The following LMBRD1 variants were observed in gnomAD, a reference collection of about 807,000 sequenced individuals.
LMBRD1 encodes lysosomal cobalamin transport escort protein LMBD1.
LMBRD1 carries 64 observed loss-of-function variants against 74.8 expected under a neutral mutation model. That is an observed-to-expected ratio of 0.86 (90% CI 0.70 to 1.05). The LOEUF (loss-of-function observed/expected upper bound fraction) is 1.05. Ranked by LOEUF, LMBRD1 falls within the 50% of genes least tolerant of loss-of-function variation. The pLI is 0.00. For missense variants in LMBRD1, 652 were observed against 645.9 expected (o/e 1.01, Z -0.10); for synonymous variants, 204 against 216.3 (o/e 0.94, Z 0.50).
At chr6:69,735,536 CTA>C (rs1766958074) in intron 7 of LMBRD1, among the ~76,000 whole-genome samples, 1 of 151,544 alleles carries the variant, frequency 6.6e-6, no homozygotes, top group Non-Finnish European at 1.5e-5. Context: ...AGTATGAATA[CTA>C]TGTCAGTTTA....
intron 7 of LMBRD1, among the ~76,000 whole-genome samples, chr6:69,737,348 G>C (rs1766998261): frequency 6.6e-6 from 1 of 151,928 alleles, no homozygotes; most frequent in African/African-American, 2.4e-5. Flanking sequence ...ATACAACTTG[G>C]TCAGTCATTT....
At chr6:69,678,906 A>T (rs1765603196) in intron 14 of LMBRD1, among the ~76,000 whole-genome samples, 1 of 152,108 alleles carries the variant, frequency 6.6e-6, no homozygotes, top group Admixed American at 6.6e-5. Flanking sequence ...GACTTGTTAC[A>T]TAAAGCTTCA....
At chr6:69,740,245 C>A (rs531989769) in intron 6 of LMBRD1, among the ~76,000 whole-genome samples, 80 of 152,146 alleles carry the variant, frequency 5.3e-4, no homozygotes, top group African/African-American at 1.9e-3. Context: ...GACAGCTCAT[C>A]TAGAGTGATA....
At chr6:69,786,437 T>G (rs1328504009) in intron 2 of LMBRD1, among the ~76,000 whole-genome samples, 1 of 152,084 alleles carries the variant, frequency 6.6e-6, no homozygotes, top group Non-Finnish European at 1.5e-5. Flanking sequence ...TTTTTTATTT[T>G]TACATGTTGT....
At chr6:69,795,750 G>A (rs1766211415) in intron 1 of LMBRD1, among the ~76,000 whole-genome samples, 2 of 152,096 alleles carry the variant, frequency 1.3e-5, no homozygotes, top group Admixed American at 1.3e-4. Context: ...AGTAACAAGA[G>A]GATCCTTTTC....
chr6:69,677,608 GT>G (rs2079850757), intron 14 of LMBRD1, among the ~76,000 whole-genome samples: 1 of 152,090 alleles, frequency 6.6e-6, no homozygotes, highest in Admixed American at 6.6e-5. Context: ...GCATGTTACA[GT>G]GTGTGCTATC....
intron 3 of LMBRD1, among the ~76,000 whole-genome samples, chr6:69,759,642 G>C (rs1765337328): frequency 1.3e-5 from 2 of 151,986 alleles, no homozygotes; most frequent in Non-Finnish European, 2.9e-5. Context: ...AATAGATACA[G>C]AAAAGGTCCC....
At chr6:69,700,069 C>CATGACAAATCATGACATGTCA (rs1766093091) in intron 12 of LMBRD1, among the ~76,000 whole-genome samples, 1 of 151,798 alleles carries the variant, frequency 6.6e-6, no homozygotes, top group Non-Finnish European at 1.5e-5. Context: ...AGCCATACTA[C>CATGACAAATCATGACATGTCA]AATCATGACA....
intron 3 of LMBRD1, among the ~76,000 whole-genome samples, chr6:69,766,011 T>A (rs541405333): frequency 6.6e-6 from 1 of 152,112 alleles, no homozygotes; most frequent in East Asian, 1.9e-4. Context: ...TGAAATTTTC[T>A]ACCTATAGAA....
At chr6:69,738,076 G>T in intron 6 of LMBRD1, 61 bp from the exon 7 acceptor site, 1 of 1,218,590 alleles carries the variant, frequency 8.2e-7, no homozygotes, top group Non-Finnish European at 1.2e-6. Flanking sequence ...CTTATATTTA[G>T]CAAATCAACA....
chr6:69,784,690 A>G (rs1765909326), intron 2 of LMBRD1, among the ~76,000 whole-genome samples: 1 of 152,212 alleles, frequency 6.6e-6, no homozygotes, highest in African/African-American at 2.4e-5. Context: ...TCAACTTACT[A>G]TTAAATCTAA....
At chr6:69,752,144 T>C in intron 4 of LMBRD1, 115 bp downstream of exon 4, 1 of 927,658 alleles carries the variant, frequency 1.1e-6, no homozygotes, top group Non-Finnish European at 1.6e-6. Flanking sequence ...TAGCTAACAT[T>C]GTATTTCTAT....
At chr6:69,677,776 C>T (rs1765577470) in intron 14 of LMBRD1, among the ~76,000 whole-genome samples, 1 of 151,822 alleles carries the variant, frequency 6.6e-6, no homozygotes, top group Non-Finnish European at 1.5e-5. Flanking sequence ...TGATGTGATT[C>T]CTGTTTGAAC....
At chr6:69,679,465 T>C (rs1281631382) in intron 14 of LMBRD1, among the ~76,000 whole-genome samples, 1 of 152,168 alleles carries the variant, frequency 6.6e-6, no homozygotes, top group Non-Finnish European at 1.5e-5. Flanking sequence ...TTCCAGTAGA[T>C]ATACTGAGTA....
intron 14 of LMBRD1, among the ~76,000 whole-genome samples, chr6:69,677,147 T>C (rs1765562686): frequency 6.6e-6 from 1 of 152,152 alleles, no homozygotes; most frequent in Non-Finnish European, 1.5e-5. Flanking sequence ...CAATGAAGAA[T>C]GGAGAGCTAA....
intron 14 of LMBRD1, among the ~76,000 whole-genome samples, chr6:69,692,304 A>G (rs998679553): frequency 2.0e-5 from 3 of 152,008 alleles, no homozygotes; most frequent in Non-Finnish European, 4.4e-5. Context: ...CTCTCTCTAC[A>G]TATATACAGT....
At chr6:69,780,354 T>G (rs1252420725) in intron 3 of LMBRD1, 140 bp downstream of exon 3, 1 of 689,684 alleles carries the variant, frequency 1.4e-6, no homozygotes. Flanking sequence ...TCCCTGCTCC[T>G]TAAAACTACT....
At position 69,729,709 on chromosome 6, in the gene LMBRD1, C is replaced by T. The variant is rs536713380; in HGVS notation, c.636+8233G>A. On this transcript the variant is annotated intron_variant, in intron 7 of 15. Transcript: ENST00000649934. ...TAAAAAAGTTTCTGGTAACAACTTG[C>T]GGTAACATAAGACCAGAACAAAACA... Among the ~76,000 whole-genome samples the T allele has an allele frequency of 5.5e-4, 84 of 151,960 alleles. No individual in the cohort carries two copies. In the Middle Eastern group the frequency reaches 0.01, roughly 18 times the overall value.
chr6:69,732,518 T>C (rs1261438645), intron 7 of LMBRD1, among the ~76,000 whole-genome samples: 1 of 152,170 alleles, frequency 6.6e-6, no homozygotes, highest in African/African-American at 2.4e-5. Context: ...TCTGTTATAC[T>C]GACCTGAACT....
Sources: gnomAD v4.1 joint callset for allele counts (sites outside exome capture counted in the v4.1 genomes callset) on GRCh38, gnomAD v4.1.1 for gene constraint, MANE v1.5 for transcripts, NCBI Gene and HGNC (gene_info 2026-07-23, HGNC 2026-07-21) for gene names.